RARB: variants seen among roughly 807,000 people sequenced by gnomAD.
RARB encodes the protein HBV-activated protein.
RARB carries 17 observed loss-of-function variants against 51.9 expected under a neutral mutation model. The ratio of observed to expected loss-of-function variants is 0.33; its 90% CI spans 0.22 to 0.49. RARB has a LOEUF of 0.49. Among genes scored for constraint, RARB ranks in the 20% least tolerant of loss-of-function variants. RARB has a pLI of 0.99. For missense variants in RARB, 369 were observed against 550.8 expected, an observed-to-expected ratio of 0.67 and a Z score of 3.30; for synonymous variants, 215 against 195.4, an observed-to-expected ratio of 1.10 and a Z score of -0.84.
chr3:25,498,820 G>A (rs1697164330), intron 2 of RARB, among the ~76,000 whole-genome samples: 1 of 152,174 alleles, frequency 6.6e-6, no homozygotes, highest in Admixed American at 6.5e-5. Context: ...GAGCGATGGA[G>A]GTTTCTGTAA....
chr3:25,550,141 G>C (rs932854011), intron 3 of RARB, among the ~76,000 whole-genome samples: 2 of 152,194 alleles, frequency 1.3e-5, no homozygotes, highest in African/African-American at 4.8e-5. Flanking sequence ...TGCTGCTTAA[G>C]TAAATTGAGG....
intron 1 of RARB, among the ~76,000 whole-genome samples, chr3:24,837,734 G>T (rs1325589872): frequency 1.3e-5 from 2 of 152,096 alleles, no homozygotes; most frequent in East Asian, 1.9e-4. Context: ...ACCAGAATTG[G>T]CTTGGAAACA....
At chr3:25,592,692 G>A (rs1167687933) in intron 5 of RARB, among the ~76,000 whole-genome samples, 1 of 152,244 alleles carries the variant, frequency 6.6e-6, no homozygotes, top group African/African-American at 2.4e-5. Flanking sequence ...AGCATACACT[G>A]GGTGGGACTG....
intron 3 of RARB, among the ~76,000 whole-genome samples, chr3:25,074,644 T>C (rs955359073): frequency 6.6e-6 from 1 of 152,154 alleles, no homozygotes; most frequent in Admixed American, 6.6e-5. Flanking sequence ...ACAAAAAAAT[T>C]AGTTGATTAA....
At chr3:25,518,963 A>G (rs1045872215) in intron 3 of RARB, among the ~76,000 whole-genome samples, 1 of 152,186 alleles carries the variant, frequency 6.6e-6, no homozygotes, top group African/African-American at 2.4e-5. Context: ...GGTTATAATT[A>G]AGGTAAACTC....
At chr3:24,877,855 T>C (rs931821307) in intron 2 of RARB, among the ~76,000 whole-genome samples, 2 of 152,198 alleles carry the variant, frequency 1.3e-5, no homozygotes, top group Non-Finnish European at 2.9e-5. Context: ...CATGTCCACA[T>C]GAATGTGAGC....
intron 1 of RARB, among the ~76,000 whole-genome samples, chr3:24,857,131 A>G (rs1559372882): frequency 6.6e-6 from 1 of 152,216 alleles, no homozygotes; most frequent in Non-Finnish European, 1.5e-5. Context: ...CAATCTAAAG[A>G]AGTTAAAAAA....
chr3:25,159,847 T>G (rs1260730424), intron 4 of RARB, among the ~76,000 whole-genome samples: 1 of 152,132 alleles, frequency 6.6e-6, no homozygotes, highest in Admixed American at 6.5e-5. Context: ...TAAACTTTTA[T>G]TTTTCTTCTA....
chr3:25,062,810 T>A (rs1322265527), intron 3 of RARB, among the ~76,000 whole-genome samples: 1 of 151,942 alleles, frequency 6.6e-6, no homozygotes, highest in Non-Finnish European at 1.5e-5. Flanking sequence ...AGGATTTCTT[T>A]TTGGGAAAAA....
At chr3:25,516,658 A>G (rs1298119157) in intron 3 of RARB, among the ~76,000 whole-genome samples, 2 of 118,586 alleles carry the variant, frequency 1.7e-5, no homozygotes, top group African/African-American at 1.0e-4. Flanking sequence ...ACAGGGTCAC[A>G]CTCTGTCGTC....
chr3:25,345,479 A>G (rs903706156), intron 5 of RARB, among the ~76,000 whole-genome samples: 1 of 152,150 alleles, frequency 6.6e-6, no homozygotes, highest in Non-Finnish European at 1.5e-5. Flanking sequence ...AGCCTGGCCA[A>G]TATGGTGAAA....
intron 1 of RARB, among the ~76,000 whole-genome samples, chr3:25,452,384 C>A (rs1165724519): frequency 6.6e-6 from 1 of 151,722 alleles, no homozygotes; most frequent in African/African-American, 2.4e-5. Context: ...GGAATAACTT[C>A]TATTGCTGGC....
At chr3:25,304,587 C>T (rs1048922303) in intron 5 of RARB, among the ~76,000 whole-genome samples, 2 of 152,266 alleles carry the variant, frequency 1.3e-5, no homozygotes, top group African/African-American at 4.8e-5. Flanking sequence ...CCTTCCACAA[C>T]TCTGTGGGCT....
chr3:25,435,833 GAA>G (rs1229339983), intron 1 of RARB, among the ~76,000 whole-genome samples: 4 of 152,246 alleles, frequency 2.6e-5, no homozygotes. Flanking sequence ...GTTTAATGAT[GAA>G]ACATTTCTCT....
At chr3:24,905,057 G>A (rs1694826579) in intron 2 of RARB, among the ~76,000 whole-genome samples, 1 of 152,130 alleles carries the variant, frequency 6.6e-6, no homozygotes, top group African/African-American at 2.4e-5. Context: ...GATGGGTGCA[G>A]AAAACCACCA....
At chr3:25,294,522 A>G (rs1703870830) in intron 5 of RARB, among the ~76,000 whole-genome samples, 1 of 152,214 alleles carries the variant, frequency 6.6e-6, no homozygotes, top group Non-Finnish European at 1.5e-5. Context: ...GACATTAGCT[A>G]CAACAGAAAG....
intron 2 of RARB, among the ~76,000 whole-genome samples, chr3:24,932,363 T>A (rs936761389): frequency 3.9e-5 from 6 of 152,098 alleles, no homozygotes; most frequent in Non-Finnish European, 5.9e-5. Context: ...ATGATATGAA[T>A]GGTGTCCCTT....
intron 3 of RARB, among the ~76,000 whole-genome samples, chr3:25,099,623 A>G (rs1438459081): frequency 6.6e-6 from 1 of 152,040 alleles, no homozygotes; most frequent in Admixed American, 6.6e-5. Context: ...TTTAAAAAAA[A>G]AAAAAAAAAA....
chr3:25,489,572 G>A (rs35594400), intron 2 of RARB, among the ~76,000 whole-genome samples: 87 of 152,172 alleles, frequency 5.7e-4, no homozygotes, highest in African/African-American at 1.9e-3. Context: ...AAAGGACTCC[G>A]GTTTCAAAGA....
Sources: allele counts gnomAD v4.1 joint callset (sites outside exome capture counted in the v4.1 genomes callset), GRCh38; gene constraint gnomAD v4.1.1; transcripts MANE v1.5; gene names NCBI Gene and HGNC (gene_info 2026-07-23, HGNC 2026-07-21).